GMNC: variants seen among roughly 807,000 people sequenced by gnomAD.
GMNC encodes the protein geminin coiled-coil domain containing.
Under a neutral mutation model 33.6 loss-of-function variants are expected in GMNC, and 16 were observed. The ratio of observed to expected loss-of-function variants is 0.48; its 90% CI spans 0.32 to 0.72. The LOEUF is 0.72. GMNC is among the 30% of genes least tolerant of loss of function. The probability of loss-of-function intolerance (pLI) is 0.03; values close to 1 mark genes in which losing one functional copy is unlikely to be tolerated. For synonymous variants in GMNC, 156 were observed against 147.3 expected (o/e 1.06, Z -0.43); for missense variants, 393 against 388.9 (o/e 1.01, Z -0.09).
At chr3:190,845,508 C>CTTTTTTT in the GMNC span, among the ~76,000 whole-genome samples, 528 of 125,756 alleles carry the variant, frequency 4.2e-3, 8 homozygotes, top group Middle Eastern at 8.7e-3. Flanking sequence ...ATTTTGAAAC[C>CTTTTTTT]TTTTTTTTTT....
chr3:190,862,623 T>C lies in GMNC; in HGVS notation c.-8A>G, dbSNP rs1397204960. 6.4e-7 allele frequency: 1 copy of C among 1,551,998 alleles called. No homozygotes were observed. The highest frequency in any genetic ancestry group is 8.7e-7 in the Non-Finnish European group (1 of 1,146,934). ...CAGTTCCTCACTTACCATCTTGCAG[T>C]GGAAGAAAGCGCTGCAGAAACTGAG... On this transcript the variant is annotated 5_prime_UTR_variant, in exon 1 of 5. Transcript: ENST00000442080. This position sits in a 1 kb window ranked among gnomAD's most constrained non-coding sequence, Gnocchi z 4.5.
the GMNC span, among the ~76,000 whole-genome samples, chr3:190,846,301 A>C: frequency 6.6e-6 from 1 of 152,196 alleles, no homozygotes; most frequent in Non-Finnish European, 1.5e-5. Context: ...TAATTAGTTA[A>C]ATATGTTATA....
At chr3:190,846,908 A>T in the GMNC span, among the ~76,000 whole-genome samples, 9 of 152,306 alleles carry the variant, frequency 5.9e-5, no homozygotes, top group East Asian at 1.7e-3. Flanking sequence ...ATGTGTTTTA[A>T]ACTTTAATCT....
rs1407953254 is a variant in GMNC, at chr3:190,855,468, T to G, written c.832A>C (p.Thr278Pro). 1 of 1,551,640 alleles carries G rather than the reference T, an allele frequency of 6.4e-7. No homozygotes were observed. Among genetic ancestry groups the G allele is most frequent in the East Asian group, 2.4e-5 (1 of 40,914 alleles). ...QLSNPPVGLK[T>P]LPYYTAHVSP... ...ACATGAGCAGTATAGTAAGGAAGAG[T>G]TTTCAGCCCCACTGGGGGATTTGAA... Residue 278 changes from threonine (T) to proline (P), a missense_variant, in exon 5 of 5, where the codon ACT becomes CCT. Transcript: ENST00000442080.
rs577459667 is a variant in GMNC at position 190,853,893 on chromosome 3, G to T, written c.*1402C>A. On this transcript the variant is annotated 3_prime_UTR_variant, in exon 5 of 5. Coordinates refer to ENST00000442080, the MANE Select transcript of GMNC (RefSeq NM_001146686.3). ...AGCAATATTTATATGCAATCTATCC[G>T]CACTTATTTAAAAATTAATATGTAT... The T allele has an allele frequency of 2.0e-5, 3 of 152,018 alleles. No individual in the cohort carries two copies. Among genetic ancestry groups the T allele is most frequent in the Admixed American group, 6.6e-5 (1 of 15,266 alleles). 9.4% of individuals were successfully genotyped at this position (152,018 alleles called of 1,614,324 possible).
chr3:190,844,481 TA>T, the GMNC span, among the ~76,000 whole-genome samples: 1 of 150,908 alleles, frequency 6.6e-6, no homozygotes. Flanking sequence ...TAAGAATATA[TA>T]AAATTCCTAA....
downstream of GMNC, among the ~76,000 whole-genome samples, chr3:190,848,743 A>C (rs1163677058): frequency 6.6e-6 from 1 of 152,232 alleles, no homozygotes; most frequent in East Asian, 1.9e-4. Flanking sequence ...TATCTCACAA[A>C]ACTGGTAAAC....
downstream of GMNC, among the ~76,000 whole-genome samples, chr3:190,852,266 T>A (rs1193476338): frequency 6.6e-6 from 1 of 152,120 alleles, no homozygotes; most frequent in African/African-American, 2.4e-5. Context: ...CCATTTGTCA[T>A]TCTTCCTTTA....
At chr3:190,845,058 T>C in the GMNC span, among the ~76,000 whole-genome samples, 1 of 152,110 alleles carries the variant, frequency 6.6e-6, no homozygotes. Flanking sequence ...TTCAACACTC[T>C]CATCAATTCA....
rs966047478 is a variant in GMNC, at chr3:190,862,499, C to T, written c.3+114G>A. On this transcript the variant is annotated intron_variant, in intron 1 of 4. Transcript: ENST00000442080. The surrounding 1 kb of genome is among the most constrained non-coding windows in gnomAD (Gnocchi z 4.5). ...AGCAGAGAGGATCTGTTTTAACTGG[C>T]GGGTAGCGGAGAAATCTTGCTCCGA... The T allele has an allele frequency of 6.4e-6, 5 of 786,860 alleles. No individual in the cohort carries two copies. Among genetic ancestry groups the T allele is most frequent in the Non-Finnish European group, 6.7e-6 (3 of 448,730 alleles). 48.7% of individuals were successfully genotyped at this position (786,860 alleles called of 1,614,324 possible).
chr3:190,852,486 T>C (rs952402132), downstream of GMNC, among the ~76,000 whole-genome samples: 2 of 152,144 alleles, frequency 1.3e-5, no homozygotes, highest in African/African-American at 4.8e-5. Flanking sequence ...ATTTTTCAGA[T>C]GATCAGAGGA....
chr3:190,855,141 C>A lies in GMNC; in HGVS notation c.*154G>T. ...CATTATGGATTCTTGGAAGCCATTCCCTGCAGATTTAAGTGGGTAATTGAG... is the reference window on the plus strand; with the variant it reads ...CATTATGGATTCTTGGAAGCCATTCACTGCAGATTTAAGTGGGTAATTGAG... On this transcript the variant is annotated 3_prime_UTR_variant, in exon 5 of 5. Transcript: ENST00000442080. 1.4e-6 allele frequency: 1 copy of A among 740,116 alleles called. No homozygotes were observed. The highest frequency in any genetic ancestry group is 2.1e-6 in the Non-Finnish European group (1 of 465,620). 45.8% of individuals were successfully genotyped at this position (740,116 alleles called of 1,614,324 possible).
At chr3:190,846,687 CCTACT>C in the GMNC span, among the ~76,000 whole-genome samples, 40 of 152,254 alleles carry the variant, frequency 2.6e-4, no homozygotes, top group African/African-American at 9.6e-4. Flanking sequence ...TCTCAAAAAG[CCTACT>C]CTATTTATTT....
At position 190,853,144 on chromosome 3, in the gene GMNC, C is replaced by T. The variant is rs1737663048; in HGVS notation, c.*2151G>A. 4.6e-5 allele frequency: 7 copies of T among 152,078 alleles called. No homozygotes were observed. In the South Asian group the frequency reaches 1.5e-3, roughly 32 times the overall value. 9.4% of individuals were successfully genotyped at this position (152,078 alleles called of 1,614,324 possible). A position where few individuals can be genotyped will look rare whatever the true frequency, so the allele number is the denominator to read the frequency against. Reference sequence around the variant, plus strand: ...GGTTTTGTATACCAAATGCATTGTGCTAAGCCTGGGTGTACCCTCATGGTA... The same window carrying T: ...GGTTTTGTATACCAAATGCATTGTGTTAAGCCTGGGTGTACCCTCATGGTA... On this transcript the variant is annotated 3_prime_UTR_variant, in exon 5 of 5. Coordinates refer to ENST00000442080, the MANE Select transcript of GMNC (RefSeq NM_001146686.3).
rs1356668802 is a variant in GMNC at position 190,859,000 on chromosome 3, T to A, written c.195A>T (p.Ser65=). Residue 65 remains serine (S), a synonymous_variant, in exon 3 of 5, where the codon TCA becomes TCT. Transcript: ENST00000442080. ...AGCACAAGTCCGGAAGAGGAAAATT[T>A]GAGTCACTGAATGATTCTGTGAAAA... ...APQAQESFSD[S]NFPLPDLCSW... 6.5e-7 allele frequency: 1 copy of A among 1,546,132 alleles called. No individual in the cohort carries two copies. The highest frequency in any genetic ancestry group is 8.8e-7 in the Non-Finnish European group (1 of 1,142,164).
At chr3:190,859,286 T>A (rs1465634338) in intron 2 of GMNC, among the ~76,000 whole-genome samples, 6 of 152,234 alleles carry the variant, frequency 3.9e-5, no homozygotes, top group Admixed American at 3.3e-4. Flanking sequence ...AATATATGTA[T>A]TCCTGCTGGA....
At chr3:190,844,332 G>A in the GMNC span, among the ~76,000 whole-genome samples, 130 of 151,582 alleles carry the variant, frequency 8.6e-4, no homozygotes, top group East Asian at 0.022. Context: ...CACCCCAAAC[G>A]CTTTTTGTTG....
At chr3:190,859,702 C>T (rs902717863) in intron 2 of GMNC, 1 of 319,822 alleles carries the variant, frequency 3.1e-6, no homozygotes, top group African/African-American at 2.2e-5. Context: ...ATTTGACAGT[C>T]AGCTCTATCT....
intron 3 of GMNC, among the ~76,000 whole-genome samples, chr3:190,858,336 A>C (rs1737791256): frequency 6.6e-6 from 1 of 152,206 alleles, no homozygotes; most frequent in South Asian, 2.1e-4. Context: ...CCACTAGGTT[A>C]AATTAAATAT....
Sources: gnomAD v4.1 joint callset for allele counts (sites outside exome capture counted in the v4.1 genomes callset) on GRCh38, gnomAD v4.1.1 for gene constraint, Gnocchi (gnomAD v3.1) non-coding constraint, MANE v1.5 for transcripts, NCBI Gene and HGNC (gene_info 2026-07-23, HGNC 2026-07-21) for gene names.